The following RPL30 variants were observed in gnomAD, a reference collection of about 807,000 sequenced individuals.
RPL30 encodes large ribosomal subunit protein eL30.
For synonymous variants in RPL30, 40 were observed against 50.4 expected, an observed-to-expected ratio of 0.79 and a Z score of 0.87; for missense variants, 60 against 138.0, an observed-to-expected ratio of 0.43 and a Z score of 2.83.
At chr8:98,042,882 AG>A (rs1814404855) in intron 3 of RPL30, 107 bp from the exon 4 acceptor site, 5 of 1,062,112 alleles carry the variant, frequency 4.7e-6, no homozygotes, top group Middle Eastern at 2.1e-4. Context: ...GCCTTCAAAA[AG>A]TAACAAAATC....
Position 98,042,783 on chromosome 8 carries a change from A to G in RPL30, c.168-8T>C, listed in dbSNP as rs778912682. 2 of 1,556,568 alleles carry G rather than the reference A, an allele frequency of 1.3e-6. No individual in the cohort carries two copies. The highest frequency in any genetic ancestry group is 1.4e-5 in the African/African-American group (1 of 71,512). On this transcript the variant is annotated splice_polypyrimidine_tract_variant and splice_region_variant and intron_variant, in intron 3 of 4. Coordinates refer to ENST00000287038, the MANE Select transcript of RPL30 (RefSeq NM_000989.4). Reference sequence around the variant, plus strand: ...TACTCTATTTCAGATTTCCTTTGGGAACCAAAATGGGCAAATAAATAAATG... The same window carrying G: ...TACTCTATTTCAGATTTCCTTTGGGGACCAAAATGGGCAAATAAATAAATG...
intron 1 of RPL30, 26 bp from the exon 2 acceptor site, chr8:98,045,425 G>A (rs1458143604): frequency 4.4e-6 from 7 of 1,608,630 alleles, no homozygotes; most frequent in Admixed American, 1.7e-5. Flanking sequence ...AACAGGACAG[G>A]AATTTTAGGA....
At chr8:98,045,130 G>A (rs777498140) in intron 2 of RPL30, 42 bp from the exon 3 acceptor site, 2 of 1,593,486 alleles carry the variant, frequency 1.3e-6, no homozygotes, top group Non-Finnish European at 1.7e-6. Context: ...GGCCTCGCCT[G>A]CAACCGCCTC....
intron 4 of RPL30, chr8:98,042,118 G>C (rs558583073): frequency 1.6e-6 from 1 of 639,716 alleles, no homozygotes; most frequent in African/African-American, 1.8e-5. Context: ...ACCAGACCTA[G>C]GGAAAGAACT....
chr8:98,044,036 G>C (rs1156853423), intron 3 of RPL30: 1 of 152,260 alleles, frequency 6.6e-6, no homozygotes, highest in African/African-American at 2.4e-5. Flanking sequence ...CTTGAACCTG[G>C]GAGGCAGAGG....
chr8:98,042,848 T>A, intron 3 of RPL30, 73 bp from the exon 4 acceptor site: 1 of 1,388,228 alleles, frequency 7.2e-7, no homozygotes, highest in Non-Finnish European at 9.7e-7. Flanking sequence ...TACTACTTCT[T>A]TTACTAGTGT....
At chr8:98,042,933 C>G in intron 3 of RPL30, 158 bp from the exon 4 acceptor site, 1 of 635,518 alleles carries the variant, frequency 1.6e-6, no homozygotes, top group Non-Finnish European at 2.5e-6. Flanking sequence ...TTATCCAATA[C>G]AAACCAACAT....
At chr8:98,044,732 T>C (rs1814444686) in intron 3 of RPL30, 5 of 550,512 alleles carry the variant, frequency 9.1e-6, no homozygotes, top group Non-Finnish European at 1.6e-5. Flanking sequence ...CACACACACA[T>C]TTCTCCTCCA....
chr8:98,041,829 C>T lies in RPL30; in HGVS notation c.320G>A (p.Ser107Asn). ...CTTTTCACCAGTCTGTTCTGGCATGCTTCTAATGATGTCAGAGTCACCTAA... is the reference window on the plus strand; with the variant it reads ...CTTTTCACCAGTCTGTTCTGGCATGTTTCTAATGATGTCAGAGTCACCTAA... ...IDPGDSDIIR[S>N]MPEQTGEK The change falls in exon 5 of 5, where the codon AGC (serine) becomes AAC (asparagine). Residue 107 changes from serine to asparagine, a missense_variant. By Grantham distance (46) the Ser-to-Asn change is conservative. Coordinates refer to ENST00000287038, the MANE Select transcript of RPL30 (RefSeq NM_000989.4). 1 of 1,603,074 alleles carries T rather than the reference C, an allele frequency of 6.2e-7. No homozygotes were observed. Among genetic ancestry groups the T allele is most frequent in the Non-Finnish European group, 8.5e-7 (1 of 1,174,448 alleles).
chr8:98,045,209 G>A, intron 2 of RPL30, 121 bp from the exon 3 acceptor site: 1 of 1,534,354 alleles, frequency 6.5e-7, no homozygotes, highest in East Asian at 2.3e-5. Flanking sequence ...AAGTCATTGA[G>A]AGGGCCACTG....
At chr8:98,042,353 T>C (rs1563744511) in intron 4 of RPL30, 9 of 428,216 alleles carry the variant, frequency 2.1e-5, no homozygotes, top group Non-Finnish European at 3.0e-5. Context: ...GCCAGATTAT[T>C]CTCTCCTTAT....
chr8:98,042,911 ACAT>A, intron 3 of RPL30, 136 bp from the exon 4 acceptor site: 1 of 786,044 alleles, frequency 1.3e-6, no homozygotes, highest in Non-Finnish European at 1.9e-6. Flanking sequence ...ACTCTTAAAA[ACAT>A]CATATTCATT....
intron 4 of RPL30, chr8:98,042,251 C>A: frequency 3.8e-6 from 2 of 520,740 alleles, no homozygotes; most frequent in African/African-American, 1.9e-5. Flanking sequence ...AATTGGAAAA[C>A]AGAATGATGT....
At chr8:98,042,185 AT>A (rs1321603686) in intron 4 of RPL30, 1 of 569,694 alleles carries the variant, frequency 1.8e-6, no homozygotes, top group Admixed American at 1.9e-5. Context: ...TGTCCTGACT[AT>A]TACAAAATCA....
intron 3 of RPL30, 128 bp downstream of exon 3, chr8:98,044,815 C>A (rs1022063148): frequency 3.6e-6 from 4 of 1,105,626 alleles, no homozygotes; most frequent in Non-Finnish European, 3.9e-6. Context: ...GGCCAAACAC[C>A]ACAATCGCTA....
rs771619783 is a variant in RPL30, at chr8:98,045,414, G to T, written c.-32-15C>A. The T allele has an allele frequency of 2.0e-5, 33 of 1,612,654 alleles. No individual in the cohort carries two copies. The highest frequency in any genetic ancestry group is 1.2e-4 in the Admixed American group (7 of 59,966). Reference sequence around the variant, plus strand: ...CGGCCCCCAACCTAGAAGAGACAGAGAACAGGACAGGAATTTTAGGATCCG... The same window carrying T: ...CGGCCCCCAACCTAGAAGAGACAGATAACAGGACAGGAATTTTAGGATCCG... On this transcript the variant is annotated splice_polypyrimidine_tract_variant and intron_variant, in intron 1 of 4. Transcript: ENST00000287038.
chr8:98,045,545 G>GTTGATGGTTGTCTCTTA, upstream of RPL30: 1 of 634,742 alleles, frequency 1.6e-6, no homozygotes, highest in South Asian at 1.8e-5. Flanking sequence ...AACGAGAAAG[G>GTTGATGGTTGTCTCTTA]AAAGACTTCC....
At chr8:98,041,976 T>TG (rs1814383929) in intron 4 of RPL30, 126 bp from the exon 5 acceptor site, 1 of 752,750 alleles carries the variant, frequency 1.3e-6, no homozygotes, top group Non-Finnish European at 2.3e-6. Flanking sequence ...ACTGACTTTT[T>TG]GCAAAAGTTA....
At position 98,045,492 on chromosome 8, in the gene RPL30, GTAGGAGCC is replaced by G; in HGVS notation, c.-33+8_-33+15del. The G allele has an allele frequency of 9.2e-7, 1 of 1,081,200 alleles. No individual in the cohort carries two copies. The highest frequency in any genetic ancestry group is 1.4e-6 in the Non-Finnish European group (1 of 718,602). The allele number at this position is 1,081,200 out of a possible 1,614,324, so 67.0% of individuals were successfully genotyped here. A position where few individuals can be genotyped will look rare whatever the true frequency, so the allele number is the denominator to read the frequency against. ...CCCCGCGCTGCCTAAACCTCGGTCG[GTAGGAGCC>G]CACTCACCAACAGCAGCCGCTAAGA... On this transcript the variant is annotated splice_region_variant and intron_variant, in intron 1 of 4. Transcript: ENST00000287038.
Sources: gnomAD v4.1 joint callset for allele counts on GRCh38, gnomAD v4.1.1 for gene constraint, MANE v1.5 for transcripts, NCBI Gene and HGNC (gene_info 2026-07-23, HGNC 2026-07-21) for gene names.